The following ADAMTSL1 variants were observed in gnomAD, a reference collection of about 807,000 sequenced individuals.
ADAMTSL1 encodes the protein ADAMTS-like protein 1.
Under a neutral mutation model 201.8 loss-of-function variants are expected in ADAMTSL1, and 126 were observed. The observed-to-expected ratio is 0.62, with a 90% CI of 0.54 to 0.72. The LOEUF (loss-of-function observed/expected upper bound fraction) is 0.72, where lower values mean the gene tolerates loss of function less well. Among genes scored for constraint, ADAMTSL1 ranks in the 30% least tolerant of loss-of-function variants. The pLI is 0.00. For synonymous variants in ADAMTSL1, 1,121 were observed against 903.4 expected, an observed-to-expected ratio of 1.24 and a Z score of -4.32; for missense variants, 2,679 against 2,277.8, an observed-to-expected ratio of 1.18 and a Z score of -3.59.
intron 1 of ADAMTSL1, among the ~76,000 whole-genome samples, chr9:18,011,462 G>A (rs984214790): frequency 2.0e-5 from 3 of 151,962 alleles, no homozygotes; most frequent in South Asian, 4.1e-4. Flanking sequence ...CCTAGGAGAG[G>A]ATGGAAGATG....
intron 23 of ADAMTSL1, among the ~76,000 whole-genome samples, chr9:18,867,057 C>T (rs934465720): frequency 6.6e-6 from 1 of 152,178 alleles, no homozygotes; most frequent in Non-Finnish European, 1.5e-5. Flanking sequence ...CACTTTCTTG[C>T]AAGGAAAGTT....
intron 3 of ADAMTSL1, among the ~76,000 whole-genome samples, chr9:18,556,205 C>A (rs1167892804): frequency 6.6e-6 from 1 of 151,864 alleles, no homozygotes; most frequent in Admixed American, 6.6e-5. Flanking sequence ...CAATTATCTG[C>A]CCCTCTGCCT....
chr9:18,537,878 T>TAAA (rs753363020), intron 3 of ADAMTSL1, among the ~76,000 whole-genome samples: 2 of 97,856 alleles, frequency 2.0e-5, no homozygotes, highest in African/African-American at 7.5e-5. Flanking sequence ...TGTCTCTATT[T>TAAA]AAAAAAAAAA....
rs1271290269 is a variant in ADAMTSL1 at position 18,065,372 on chromosome 9, T to C, written c.88-98490T>C. Among the ~76,000 whole-genome samples, 3 of 152,164 alleles carry C rather than the reference T, an allele frequency of 2.0e-5. No homozygotes were observed. The East Asian group carries it at 5.8e-4, about 29-fold the overall frequency. The stretch of plus-strand genomic sequence containing the variant: ...TCTTTAATAAGTGTGGATTAACTCA[T>C]GGTGTTTCATTACTCTCTTCTCAAA... On this transcript the variant is annotated intron_variant, in intron 1 of 29. Coordinates refer to the ADAMTSL1 transcript ENST00000680146.
At chr9:18,230,996 G>A (rs1453440934) in intron 2 of ADAMTSL1, among the ~76,000 whole-genome samples, 4 of 152,018 alleles carry the variant, frequency 2.6e-5, no homozygotes, top group African/African-American at 9.7e-5. Context: ...TTAAGTAATC[G>A]TGTGCTTAAT....
intron 2 of ADAMTSL1, among the ~76,000 whole-genome samples, chr9:18,169,709 C>G (rs1448935868): frequency 6.6e-6 from 1 of 152,032 alleles, no homozygotes; most frequent in Non-Finnish European, 1.5e-5. Flanking sequence ...TATAAATTAC[C>G]TTGGGCAGTA....
intron 1 of ADAMTSL1, among the ~76,000 whole-genome samples, chr9:18,058,336 C>G (rs1198499031): frequency 6.6e-6 from 1 of 152,036 alleles, no homozygotes; most frequent in Non-Finnish European, 1.5e-5. Context: ...AGATTTCTAC[C>G]AAGAGAAGAG....
At chr9:18,631,386 G>A (rs370718622) in intron 5 of ADAMTSL1, among the ~76,000 whole-genome samples, 1 of 152,128 alleles carries the variant, frequency 6.6e-6, no homozygotes, top group African/African-American at 2.4e-5. Context: ...TATTTTAAGA[G>A]TAATAAAACC....
At chr9:17,941,678 G>A (rs1827244640) in intron 1 of ADAMTSL1, among the ~76,000 whole-genome samples, 2 of 152,116 alleles carry the variant, frequency 1.3e-5, no homozygotes. Context: ...GTAGTCATAT[G>A]TATGTGTAAG....
chr9:17,919,169 TA>T (rs796764669), intron 1 of ADAMTSL1, among the ~76,000 whole-genome samples: 9 of 151,876 alleles, frequency 5.9e-5, no homozygotes, highest in African/African-American at 1.2e-4. Context: ...TTTATCACAT[TA>T]AAAAAATCAA....
chr9:18,104,114 A>G (rs549539126), intron 1 of ADAMTSL1, among the ~76,000 whole-genome samples: 9 of 152,178 alleles, frequency 5.9e-5, no homozygotes, highest in Non-Finnish European at 1.3e-4. Flanking sequence ...TACTTGTTCA[A>G]TCTCTTTATT....
chr9:18,573,755 T>C (rs546827422), intron 3 of ADAMTSL1, among the ~76,000 whole-genome samples: 5 of 152,344 alleles, frequency 3.3e-5, no homozygotes, highest in Middle Eastern at 6.8e-3. Flanking sequence ...AAAAAATGTA[T>C]GTCCCACCTA....
chr9:18,706,826 C>G lies in ADAMTSL1; in HGVS notation c.1654C>G (p.Leu552Val). 6.2e-7 allele frequency: 1 copy of G among 1,611,546 alleles called. No individual in the cohort carries two copies. The highest frequency in any genetic ancestry group is 8.5e-7 in the Non-Finnish European group (1 of 1,178,792). ...GGTGCGAATAGTCAGGTGCCAGGTG[C>G]TCCTGTCTTTCTCTCAGTCCGTGGC... ...TQVRIVRCQV[L>V]LSFSQSVADL... Residue 552 changes from leucine (L) to valine (V), a missense_variant, in exon 14 of 29, where the codon CTC (leucine) becomes GTC (valine). Coordinates refer to ENST00000380548, the MANE Select transcript of ADAMTSL1 (RefSeq NM_001040272.6).
chr9:18,675,472 G>A (rs1002382466), intron 9 of ADAMTSL1, among the ~76,000 whole-genome samples: 3 of 152,116 alleles, frequency 2.0e-5, no homozygotes, highest in Admixed American at 6.6e-5. Context: ...ATTGCTTGGC[G>A]AGCATCTGGA....
intron 4 of ADAMTSL1, among the ~76,000 whole-genome samples, chr9:18,582,231 A>C (rs1210450429): frequency 6.6e-6 from 1 of 152,182 alleles, no homozygotes; most frequent in Non-Finnish European, 1.5e-5. Flanking sequence ...TGTTTCAAAT[A>C]ATCAAATGCT....
At chr9:17,906,936 T>C (rs1313583497) in intron 1 of ADAMTSL1, 3 of 152,280 alleles carry the variant, frequency 2.0e-5, no homozygotes, top group African/African-American at 4.8e-5. Flanking sequence ...GGGTAGCCTG[T>C]GCGTCTTGCG....
At chr9:18,880,702 G>C (rs1036690359) in intron 23 of ADAMTSL1, among the ~76,000 whole-genome samples, 1 of 152,198 alleles carries the variant, frequency 6.6e-6, no homozygotes, top group Non-Finnish European at 1.5e-5. Flanking sequence ...TGGAACTAGA[G>C]ATGACCATTG....
At chr9:18,136,155 A>G (rs1366416822) in intron 1 of ADAMTSL1, among the ~76,000 whole-genome samples, 1 of 152,214 alleles carries the variant, frequency 6.6e-6, no homozygotes, top group Non-Finnish European at 1.5e-5. Context: ...TAAGTTGCAT[A>G]GTGGTTCCCA....
intron 2 of ADAMTSL1, among the ~76,000 whole-genome samples, chr9:18,507,877 A>G (rs1328344923): frequency 1.3e-5 from 2 of 152,164 alleles, no homozygotes; most frequent in Non-Finnish European, 2.9e-5. Context: ...CCTAAGTGTC[A>G]CTGGTCCTCA....
Sources: gnomAD v4.1 joint callset for allele counts (sites outside exome capture counted in the v4.1 genomes callset) on GRCh38, gnomAD v4.1.1 for gene constraint, MANE v1.5 for transcripts, NCBI Gene and HGNC (gene_info 2026-07-23, HGNC 2026-07-21) for gene names.